EFCAB6: variants seen among roughly 807,000 people sequenced by gnomAD.
The protein encoded by EFCAB6 is EF-hand calcium-binding domain-containing protein 6.
EFCAB6 carries 156 observed loss-of-function variants against 169.8 expected under a neutral mutation model. The observed-to-expected ratio is 0.92, with a 90% CI of 0.81 to 1.05. EFCAB6 has a LOEUF of 1.05. EFCAB6 is among the 50% of genes least tolerant of loss of function. The pLI, the probability that EFCAB6 is intolerant of heterozygous loss-of-function variation, is 0.00. For missense variants in EFCAB6, 1,800 were observed against 1,829.1 expected, an observed-to-expected ratio of 0.98 and a Z score of 0.29; for synonymous variants, 698 against 676.4, an observed-to-expected ratio of 1.03 and a Z score of -0.50.
intron 8 of EFCAB6, among the ~76,000 whole-genome samples, chr22:43,718,848 G>A (rs1050696120): frequency 1.3e-5 from 2 of 152,242 alleles, no homozygotes; most frequent in South Asian, 2.1e-4. Flanking sequence ...AGCCACAGTG[G>A]GCTGAGCATT....
At chr22:43,598,310 G>GAAAAC (rs1402967848) in intron 23 of EFCAB6, among the ~76,000 whole-genome samples, 2,500 of 57,648 alleles carry the variant, frequency 0.043, 535 homozygotes, top group African/African-American at 0.13. Flanking sequence ...ACTGTCTCCG[G>GAAAAC]GAAAAAAAAA....
chr22:43,643,604 T>C (rs1451245842), intron 17 of EFCAB6, among the ~76,000 whole-genome samples: 1 of 152,212 alleles, frequency 6.6e-6, no homozygotes. Flanking sequence ...CACATGATGC[T>C]GCTTCCTTTT....
chr22:43,762,591 A>G (rs1657274016), intron 5 of EFCAB6, among the ~76,000 whole-genome samples: 1 of 152,236 alleles, frequency 6.6e-6, no homozygotes, highest in Non-Finnish European at 1.5e-5. Context: ...ATTGCTAGAA[A>G]AAGAAGTCTC....
chr22:43,651,087 C>T (rs904595516), intron 17 of EFCAB6, among the ~76,000 whole-genome samples: 4 of 152,144 alleles, frequency 2.6e-5, no homozygotes, highest in African/African-American at 9.7e-5. Context: ...GCATAAGTAA[C>T]GAGGAGGAGA....
At chr22:43,720,225 AG>A (rs759364117) in intron 8 of EFCAB6, among the ~76,000 whole-genome samples, 2 of 152,108 alleles carry the variant, frequency 1.3e-5, no homozygotes, top group African/African-American at 2.4e-5. Context: ...AAAGGAAAGG[AG>A]AGGAGACTAA....
chr22:43,703,795 C>T (rs775093395), intron 10 of EFCAB6, among the ~76,000 whole-genome samples: 24 of 150,342 alleles, frequency 1.6e-4, no homozygotes, highest in Admixed American at 1.2e-3. Context: ...GAAGATAAAA[C>T]ATTTGAGATG....
At chr22:43,726,015 G>A (rs914460048) in intron 8 of EFCAB6, among the ~76,000 whole-genome samples, 6 of 152,142 alleles carry the variant, frequency 3.9e-5, no homozygotes, top group African/African-American at 1.4e-4. Context: ...AGGCAGCAAT[G>A]AGAATGTAAG....
At chr22:43,699,963 C>G (rs149802076) in intron 10 of EFCAB6, among the ~76,000 whole-genome samples, 11 of 152,220 alleles carry the variant, frequency 7.2e-5, no homozygotes, top group African/African-American at 2.7e-4. Context: ...GGCGAATACG[C>G]AAGTTACAAG....
chr22:43,658,490 C>G (rs6006434), intron 17 of EFCAB6, among the ~76,000 whole-genome samples: 5,141 of 152,282 alleles, frequency 0.034, 268 homozygotes, highest in African/African-American at 0.12. Context: ...ACTGGTTTCC[C>G]TTTGCAGACA....
At chr22:43,560,168 G>A (rs967100074) in intron 26 of EFCAB6, among the ~76,000 whole-genome samples, 6 of 152,138 alleles carry the variant, frequency 3.9e-5, no homozygotes, top group Non-Finnish European at 7.4e-5. Context: ...CCTTTCTCAA[G>A]TTATAAATAA....
intron 22 of EFCAB6, among the ~76,000 whole-genome samples, 162 bp from the exon 23 acceptor site, chr22:43,600,425 A>G (rs1251102347): frequency 1.3e-5 from 2 of 152,156 alleles, no homozygotes; most frequent in Non-Finnish European, 2.9e-5. Context: ...CCCGCCTGGC[A>G]GAGCTGGAAA....
chr22:43,759,745 T>C (rs1288505406), intron 5 of EFCAB6: 2 of 152,216 alleles, frequency 1.3e-5, no homozygotes, highest in Non-Finnish European at 2.9e-5. Flanking sequence ...ATCTTCATGC[T>C]GCTTCCAACT....
At chr22:43,731,862 G>C in intron 7 of EFCAB6, 51 bp from the exon 8 acceptor site, 1 of 1,223,866 alleles carries the variant, frequency 8.2e-7, no homozygotes, top group Non-Finnish European at 1.1e-6. Flanking sequence ...CTAAAATGAA[G>C]CAAGTTTGTT....
intron 10 of EFCAB6, among the ~76,000 whole-genome samples, chr22:43,696,334 T>G (rs1030532601): frequency 3.3e-5 from 5 of 152,140 alleles, no homozygotes; most frequent in Non-Finnish European, 7.4e-5. Flanking sequence ...TCTGGAATTG[T>G]TACATACTGC....
At chr22:43,596,883 G>C (rs566709135) in intron 23 of EFCAB6, among the ~76,000 whole-genome samples, 56 of 152,294 alleles carry the variant, frequency 3.7e-4, no homozygotes, top group African/African-American at 1.3e-3. Flanking sequence ...AAATAGCATT[G>C]TACTGGCATA....
intron 5 of EFCAB6, 69 bp from the exon 6 acceptor site, chr22:43,755,901 A>C: frequency 2.2e-6 from 3 of 1,333,768 alleles, no homozygotes; most frequent in South Asian, 1.5e-5. Context: ...GGATATGCAG[A>C]GATCAAAATT....
chr22:43,797,393 A>G (rs922697499), intron 2 of EFCAB6: 3 of 152,574 alleles, frequency 2.0e-5, no homozygotes, highest in African/African-American at 7.2e-5. Context: ...AGATTGGCGG[A>G]CAGATTTTCT....
At chr22:43,629,698 A>G (rs1310408933) in intron 19 of EFCAB6, among the ~76,000 whole-genome samples, 1 of 152,158 alleles carries the variant, frequency 6.6e-6, no homozygotes, top group Non-Finnish European at 1.5e-5. Flanking sequence ...GGGCTTGAGA[A>G]GGACAGAAGC....
intron 15 of EFCAB6, 68 bp from the exon 16 acceptor site, chr22:43,669,113 A>G (rs2057380704): frequency 1.4e-6 from 2 of 1,387,896 alleles, no homozygotes; most frequent in South Asian, 3.8e-5. Context: ...TGACCCTGCC[A>G]AGGGTTGGTG....
Sources: allele counts gnomAD v4.1 joint callset (sites outside exome capture counted in the v4.1 genomes callset), GRCh38; gene constraint gnomAD v4.1.1; transcripts MANE v1.5; gene names NCBI Gene and HGNC (gene_info 2026-07-23, HGNC 2026-07-21).